The following AAK1 variants were observed in gnomAD, a reference collection of about 807,000 sequenced individuals.
The protein encoded by AAK1 is AP2-associated protein kinase 1.
AAK1 carries 37 observed loss-of-function variants against 116.0 expected under a neutral mutation model. The ratio of observed to expected loss-of-function variants is 0.32; its 90% CI spans 0.25 to 0.42. The LOEUF is 0.42. Ranked by LOEUF, AAK1 falls within the 10% of genes least tolerant of loss-of-function variation. The pLI is 1.00. For missense variants in AAK1, 919 were observed against 1,170.6 expected, an observed-to-expected ratio of 0.79 and a Z score of 3.14; for synonymous variants, 458 against 439.9, an observed-to-expected ratio of 1.04 and a Z score of -0.51.
At chr2:69,592,115 C>G (rs750899163) in intron 2 of AAK1, among the ~76,000 whole-genome samples, 11 of 152,146 alleles carry the variant, frequency 7.2e-5, no homozygotes, top group African/African-American at 2.4e-4. Context: ...AAAGGAAGAC[C>G]GCTCCAAATT....
intron 17 of AAK1, among the ~76,000 whole-genome samples, chr2:69,491,270 T>C (rs568546107): frequency 6.6e-6 from 1 of 152,224 alleles, no homozygotes; most frequent in Non-Finnish European, 1.5e-5. Context: ...AAAATGCTGG[T>C]ACTACTTATA....
chr2:69,467,586 C>T lies in AAK1; in HGVS notation c.*8283G>A. The T allele has an allele frequency of 1.0e-6, 1 of 985,374 alleles. No homozygotes were observed. Among genetic ancestry groups the T allele is most frequent in the Non-Finnish European group, 1.2e-6 (1 of 829,914 alleles). The allele number at this position is 985,374 out of a possible 1,614,324, so 61.0% of individuals were successfully genotyped here. A position where few individuals can be genotyped will look rare whatever the true frequency, so the allele number is the denominator to read the frequency against. ...AAGAGATACTACTGGAGTTTCCCAA[C>T]CCACCAGGATAAGAATATTAGATAC... is the stretch of plus-strand genomic sequence containing the variant. On this transcript the variant is annotated 3_prime_UTR_variant, in exon 22 of 22. Transcript: ENST00000409085.
chr2:69,474,427 G>A lies in AAK1; in HGVS notation c.*1442C>T, dbSNP rs1674779679. ...AAGGAAATAAAATACACTTTAATGAGTAAGTACATATAGAGAGGGTGACCA... is the reference window on the plus strand; with the variant it reads ...AAGGAAATAAAATACACTTTAATGAATAAGTACATATAGAGAGGGTGACCA... On this transcript the variant is annotated 3_prime_UTR_variant, in exon 22 of 22. Transcript: ENST00000409085. 2 of 985,768 alleles carry A rather than the reference G, an allele frequency of 2.0e-6. No homozygotes were observed. The highest frequency in any genetic ancestry group is 3.5e-5 in the African/African-American group (2 of 57,344). The allele number at this position is 985,768 out of a possible 1,614,324, so 61.1% of individuals were successfully genotyped here. A position where few individuals can be genotyped will look rare whatever the true frequency, so the allele number is the denominator to read the frequency against.
At chr2:69,498,569 T>C (rs940698646) in intron 16 of AAK1, among the ~76,000 whole-genome samples, 1 of 151,232 alleles carries the variant, frequency 6.6e-6, no homozygotes, top group African/African-American at 2.4e-5. Flanking sequence ...GCCTACTCAG[T>C]ACCCAGCATC....
chr2:69,607,379 T>A (rs1458322649), intron 2 of AAK1, among the ~76,000 whole-genome samples: 2 of 151,800 alleles, frequency 1.3e-5, no homozygotes, highest in African/African-American at 4.8e-5. Flanking sequence ...AGAGGAGGGG[T>A]CATCGTATGG....
chr2:69,619,192 G>T (rs1430936892), intron 2 of AAK1, among the ~76,000 whole-genome samples: 1 of 152,092 alleles, frequency 6.6e-6, no homozygotes, highest in African/African-American at 2.4e-5. Flanking sequence ...TCCTTGGTTA[G>T]CTCCCTCTCT....
chr2:69,497,295 CTTTTTTTTTTTTTT>C (rs1176401016), intron 16 of AAK1, among the ~76,000 whole-genome samples: 1 of 76,086 alleles, frequency 1.3e-5, no homozygotes, highest in Admixed American at 1.9e-4. Context: ...CATTATCATT[CTTTTTTTTTTTTTT>C]TTTTTTTTTT....
chr2:69,545,082 C>T (rs1670870374), intron 3 of AAK1, among the ~76,000 whole-genome samples: 1 of 151,778 alleles, frequency 6.6e-6, no homozygotes, highest in Non-Finnish European at 1.5e-5. Flanking sequence ...AGCATCCAGA[C>T]CTAAGCATTT....
chr2:69,582,417 G>C (rs938360325), intron 2 of AAK1, among the ~76,000 whole-genome samples: 3 of 152,164 alleles, frequency 2.0e-5, no homozygotes, highest in Non-Finnish European at 4.4e-5. Context: ...GCGCGTGTGT[G>C]TGCGTGCACA....
intron 13 of AAK1, among the ~76,000 whole-genome samples, chr2:69,511,777 T>C (rs1415472691): frequency 6.6e-6 from 1 of 152,108 alleles, no homozygotes; most frequent in Non-Finnish European, 1.5e-5. Flanking sequence ...AGTTGGATAG[T>C]TTTCTTACCA....
chr2:69,600,716 G>A (rs1051367962), intron 2 of AAK1, among the ~76,000 whole-genome samples: 1 of 152,222 alleles, frequency 6.6e-6, no homozygotes, highest in Non-Finnish European at 1.5e-5. Context: ...CAGCAGCAGA[G>A]TTTGGGAGGG....
At position 69,471,101 on chromosome 2, in the gene AAK1, G is replaced by A; in HGVS notation, c.*4768C>T. ...TGGGAAGGACGCGTTAAAGACCTAT[G>A]ATAAACACACATCCACATGACAAAG... On this transcript the variant is annotated 3_prime_UTR_variant, in exon 22 of 22. Transcript: ENST00000409085. 1 of 985,744 alleles carries A rather than the reference G, an allele frequency of 1.0e-6. No homozygotes were observed. The highest frequency in any genetic ancestry group is 1.2e-6 in the Non-Finnish European group (1 of 829,930). 61.1% of individuals were successfully genotyped at this position (985,744 alleles called of 1,614,324 possible).
intron 2 of AAK1, among the ~76,000 whole-genome samples, chr2:69,602,000 A>G (rs1673601384): frequency 6.6e-6 from 1 of 152,326 alleles, no homozygotes; most frequent in Middle Eastern, 3.4e-3. Flanking sequence ...GTTATGATGC[A>G]CCTAGAAAGA....
rs1364394740 is a variant in AAK1 at position 69,480,896 on chromosome 2, G to A, written c.2533C>T (p.Pro845Ser). The A allele has an allele frequency of 6.2e-7, 1 of 1,606,588 alleles. No homozygotes were observed. The highest frequency in any genetic ancestry group is 1.1e-5 in the South Asian group (1 of 88,630). The part of the protein sequence containing the change: ...GLEPPVPQRL[P>S]SQTESVTSNR... The stretch of plus-strand genomic sequence containing the variant: ...GAGGTCACAGATTCCGTCTGAGATG[G>A]GAGGCGCTGGGGAACTGGGGGCTCC... The change falls in exon 19 of 22, where the codon CCA becomes TCA. Residue 845 changes from proline (P) to serine (S), a missense_variant. By Grantham distance (74) the Pro-to-Ser change is moderately conservative. This residue lies in a region of AAK1 where 263 missense variants were observed against 285.5 expected (regional missense o/e 0.92). Transcript: ENST00000409085.
intron 16 of AAK1, among the ~76,000 whole-genome samples, chr2:69,499,502 G>A (rs1572898159): frequency 1.3e-5 from 2 of 152,272 alleles, no homozygotes; most frequent in East Asian, 3.9e-4. Context: ...CTGCAATCAT[G>A]ATACAGAACT....
At chr2:69,578,533 A>C (rs751690033) in intron 2 of AAK1, among the ~76,000 whole-genome samples, 1 of 152,168 alleles carries the variant, frequency 6.6e-6, no homozygotes, top group Non-Finnish European at 1.5e-5. Flanking sequence ...AAAATCTCTG[A>C]ACACTGAGAG....
chr2:69,528,637 C>T (rs1008920452), intron 8 of AAK1, among the ~76,000 whole-genome samples: 2 of 151,896 alleles, frequency 1.3e-5, no homozygotes, highest in South Asian at 2.1e-4. Flanking sequence ...AGAGGACAGG[C>T]GAACTGGGTA....
At position 69,544,571 on chromosome 2, in the gene AAK1, T is replaced by C. The variant is rs1419166524; in HGVS notation, c.283-27A>G. On this transcript the variant is annotated intron_variant, in intron 3 of 21. Transcript: ENST00000409085. ...TGTGAACAAGAGAGGAGAAATATAT[T>C]GTTAGTTTCAGATGCCAATAGGACA... 5 of 1,551,312 alleles carry C rather than the reference T, an allele frequency of 3.2e-6. No individual in the cohort carries two copies. The South Asian group carries it at 4.5e-5, about 14-fold the overall frequency.
Position 69,470,679 on chromosome 2 carries a change from T to C in AAK1, c.*5190A>G. ...GCGCTCCATTTTACAACCCTGAGTCTGGTCATATCCAGTGTAGGCTGGCAG... is the reference window on the plus strand; with the variant it reads ...GCGCTCCATTTTACAACCCTGAGTCCGGTCATATCCAGTGTAGGCTGGCAG... On this transcript the variant is annotated 3_prime_UTR_variant, in exon 22 of 22. Transcript: ENST00000409085. 1.0e-6 allele frequency: 1 copy of C among 985,434 alleles called. No individual in the cohort carries two copies. The highest frequency in any genetic ancestry group is 1.2e-6 in the Non-Finnish European group (1 of 829,936). 61.0% of individuals were successfully genotyped at this position (985,434 alleles called of 1,614,324 possible). A position where few individuals can be genotyped will look rare whatever the true frequency, so the allele number is the denominator to read the frequency against.
Sources: allele counts gnomAD v4.1 joint callset (sites outside exome capture counted in the v4.1 genomes callset), GRCh38; gene constraint gnomAD v4.1.1; regional missense constraint gnomAD v4.1.1; transcripts MANE v1.5; gene names NCBI Gene and HGNC (gene_info 2026-07-23, HGNC 2026-07-21).